Variants in TMPRSS15 observed in about 807,000 individuals in gnomAD.
TMPRSS15 encodes the protein enteropeptidase.
Under a neutral mutation model 125.3 loss-of-function variants are expected in TMPRSS15, and 128 were observed. The observed-to-expected ratio is 1.02, with a 90% confidence interval of 0.89 to 1.18. The LOEUF (loss-of-function observed/expected upper bound fraction) is 1.18. Ranked by LOEUF, TMPRSS15 falls within the 50% of genes most tolerant of loss-of-function variation. The pLI, the probability that TMPRSS15 is intolerant of heterozygous loss-of-function variation, is 0.00. For synonymous variants in TMPRSS15, 446 were observed against 423.2 expected (o/e 1.05, Z -0.66); for missense variants, 1,283 against 1,212.7 (o/e 1.06, Z -0.86).
chr21:18,366,224 T>G (rs2075736151), intron 6 of TMPRSS15, among the ~76,000 whole-genome samples: 2 of 152,174 alleles, frequency 1.3e-5, no homozygotes, highest in South Asian at 4.1e-4. Flanking sequence ...AAGTGCTATG[T>G]TTTCTTGAAA....
chr21:18,329,452 AT>A (rs201070040), intron 14 of TMPRSS15, among the ~76,000 whole-genome samples, 158 bp from the exon 15 acceptor site: 16,903 of 121,974 alleles, frequency 0.14, 1,383 homozygotes, highest in East Asian at 0.41. Context: ...TCTTTTCATT[AT>A]TTTTTTTTTG....
At chr21:18,419,479 C>A (rs144473898) in intron 1 of TMPRSS15, among the ~76,000 whole-genome samples, 1 of 152,150 alleles carries the variant, frequency 6.6e-6, no homozygotes, top group Non-Finnish European at 1.5e-5. Flanking sequence ...CCTGCCTCAG[C>A]CTCCCAAAGT....
chr21:18,394,444 A>G (rs1198134555), intron 3 of TMPRSS15, among the ~76,000 whole-genome samples: 1 of 152,130 alleles, frequency 6.6e-6, no homozygotes, highest in Non-Finnish European at 1.5e-5. Flanking sequence ...TTTCAGGAGG[A>G]GGTAAAGAAA....
intron 24 of TMPRSS15, 79 bp downstream of exon 24, chr21:18,275,118 C>G: frequency 1.3e-6 from 2 of 1,539,586 alleles, no homozygotes; most frequent in East Asian, 2.2e-5. Flanking sequence ...TCTTTACTCC[C>G]TAATTATTGT....
chr21:18,306,786 GT>G (rs1489404832), intron 18 of TMPRSS15, among the ~76,000 whole-genome samples: 2 of 151,838 alleles, frequency 1.3e-5, no homozygotes, highest in East Asian at 1.9e-4. Context: ...ACTACCCTAA[GT>G]TTTTTTAACC....
At chr21:18,409,650 T>C (rs1177735775) in intron 1 of TMPRSS15, among the ~76,000 whole-genome samples, 1 of 152,166 alleles carries the variant, frequency 6.6e-6, no homozygotes, top group East Asian at 1.9e-4. Context: ...TTCATAATTA[T>C]AATCTTTCTA....
intron 3 of TMPRSS15, among the ~76,000 whole-genome samples, chr21:18,385,016 A>G (rs2075930491): frequency 6.6e-6 from 1 of 152,198 alleles, no homozygotes; most frequent in Non-Finnish European, 1.5e-5. Context: ...CCATGGCACT[A>G]TTCAGTTTCA....
intron 14 of TMPRSS15, 51 bp from the exon 15 acceptor site, chr21:18,329,345 T>C (rs748587281): frequency 2.5e-6 from 4 of 1,574,776 alleles, no homozygotes; most frequent in Non-Finnish European, 3.5e-6. Flanking sequence ...GTGATTTCTC[T>C]TAAAAGCTTC....
intron 1 of TMPRSS15, among the ~76,000 whole-genome samples, chr21:18,485,125 A>AAG (rs1270685068): frequency 1.3e-5 from 2 of 151,864 alleles, no homozygotes; most frequent in Non-Finnish European, 2.9e-5. Flanking sequence ...TGCTATTATA[A>AAG]AGATTATCTT....
chr21:18,413,234 T>TTCTC (rs72171532), intron 1 of TMPRSS15, among the ~76,000 whole-genome samples: 40,633 of 142,670 alleles, frequency 0.28, 6,430 homozygotes, highest in East Asian at 0.58. Context: ...TTCCTTCCTT[T>TTCTC]TCTCTCTCTT....
intron 1 of TMPRSS15, among the ~76,000 whole-genome samples, chr21:18,410,116 A>AT (rs71191404): frequency 0.27 from 37,423 of 138,462 alleles, 5,241 homozygotes; most frequent in Middle Eastern, 0.45. Flanking sequence ...CTGGATATGC[A>AT]TTTTTTTTTT....
At chr21:18,283,291 G>A (rs2074723228) in intron 21 of TMPRSS15, among the ~76,000 whole-genome samples, 1 of 152,010 alleles carries the variant, frequency 6.6e-6, no homozygotes, top group South Asian at 2.1e-4. Context: ...CAACTGGTCA[G>A]TTTTCACTTG....
rs754738738 is a variant in TMPRSS15 at position 18,392,112 on chromosome 21, T to C, written c.344+5767A>G. Among the ~76,000 whole-genome samples the C allele has an allele frequency of 1.9e-3, 293 of 152,198 alleles. 1 individual carries two copies. The highest frequency in any genetic ancestry group is 3.5e-3 in the Non-Finnish European group (235 of 68,036). ...AGGCCTGTGATGGGAGGTCCTGCTA[T>C]GAAGAACTCTGACATGCCACGGAGA... On this transcript the variant is annotated intron_variant, in intron 3 of 24. Coordinates refer to ENST00000284885, the MANE Select transcript of TMPRSS15 (RefSeq NM_002772.3).
intron 1 of TMPRSS15, among the ~76,000 whole-genome samples, chr21:18,462,380 G>T (rs1314737983): frequency 6.6e-6 from 1 of 151,940 alleles, no homozygotes; most frequent in African/African-American, 2.4e-5. Context: ...GCTTGGAATT[G>T]CTGTTTTTTT....
intron 24 of TMPRSS15, among the ~76,000 whole-genome samples, chr21:18,273,533 G>T (rs140925020): frequency 6.6e-6 from 1 of 152,288 alleles, no homozygotes; most frequent in East Asian, 1.9e-4. Context: ...TGTAGAATCA[G>T]AGCTAGCTAT....
intron 1 of TMPRSS15, among the ~76,000 whole-genome samples, chr21:18,454,010 G>A (rs1467163194): frequency 6.6e-6 from 1 of 152,244 alleles, no homozygotes; most frequent in East Asian, 1.9e-4. Flanking sequence ...CAAATTCATA[G>A]TTATTTTTAC....
At chr21:18,369,918 T>A (rs555310011) in intron 6 of TMPRSS15, among the ~76,000 whole-genome samples, 6 of 146,326 alleles carry the variant, frequency 4.1e-5, no homozygotes, top group Non-Finnish European at 8.9e-5. Context: ...TAAACAATAT[T>A]ATCCCACAAA....
chr21:18,437,400 A>G (rs1601462503), intron 1 of TMPRSS15, among the ~76,000 whole-genome samples: 1 of 152,196 alleles, frequency 6.6e-6, no homozygotes, highest in Admixed American at 6.5e-5. Context: ...ATTACCATTC[A>G]GGACATAGGC....
chr21:18,269,897 C>T lies in TMPRSS15; in HGVS notation c.*72G>A, dbSNP rs2074532989. On this transcript the variant is annotated 3_prime_UTR_variant, in exon 25 of 25. Transcript: ENST00000284885. ...AACTTTTTAAAATTTTTGTACGAAA[C>T]ACTTAATTTCCATGCTTTCTAGAGT... 6.4e-7 allele frequency: 1 copy of T among 1,574,114 alleles called. No individual in the cohort carries two copies. Among genetic ancestry groups the T allele is most frequent in the Non-Finnish European group, 8.7e-7 (1 of 1,154,360 alleles).
Sources: allele counts gnomAD v4.1 joint callset (sites outside exome capture counted in the v4.1 genomes callset), GRCh38; gene constraint gnomAD v4.1.1; transcripts MANE v1.5; gene names NCBI Gene and HGNC (gene_info 2026-07-23, HGNC 2026-07-21).